Variants in ZBTB7C observed in about 807,000 individuals in gnomAD.
The protein encoded by ZBTB7C is zinc finger and BTB domain-containing protein 7C.
ZBTB7C carries 8 observed loss-of-function variants against 25.7 expected under a neutral mutation model. The ratio of observed to expected loss-of-function variants is 0.31; its 90% CI spans 0.18 to 0.56. The LOEUF is 0.56. Ranked by LOEUF, ZBTB7C falls within the 20% of genes least tolerant of loss-of-function variation. The pLI is 0.91. For missense variants in ZBTB7C, 824 were observed against 855.2 expected (o/e 0.96, Z 0.46); for synonymous variants, 394 against 369.0 (o/e 1.07, Z -0.78).
chr18:48,396,830 G>A (rs1299522713), intron 1 of ZBTB7C, among the ~76,000 whole-genome samples: 1 of 152,222 alleles, frequency 6.6e-6, no homozygotes, highest in Non-Finnish European at 1.5e-5. Context: ...AATGGTGGTT[G>A]TCAGCAAGTC....
chr18:48,031,469 C>T (rs1443793622), intron 4 of ZBTB7C, among the ~76,000 whole-genome samples: 1 of 152,200 alleles, frequency 6.6e-6, no homozygotes, highest in Non-Finnish European at 1.5e-5. Flanking sequence ...TATCCCACCC[C>T]CTACCAGCAT....
chr18:48,310,997 A>G (rs1414144148), intron 2 of ZBTB7C, among the ~76,000 whole-genome samples: 1 of 152,224 alleles, frequency 6.6e-6, no homozygotes, highest in African/African-American at 2.4e-5. Context: ...CATCATGTGC[A>G]GTCTTTGCTC....
intron 2 of ZBTB7C, among the ~76,000 whole-genome samples, chr18:48,316,186 G>T (rs969382799): frequency 6.6e-6 from 1 of 152,172 alleles, no homozygotes; most frequent in Non-Finnish European, 1.5e-5. Flanking sequence ...ATTTTCAAAA[G>T]AATGTTACTA....
intron 4 of ZBTB7C, among the ~76,000 whole-genome samples, chr18:48,034,869 A>G (rs1428157617): frequency 6.6e-6 from 1 of 152,206 alleles, no homozygotes; most frequent in Non-Finnish European, 1.5e-5. Context: ...TCATGAGCTC[A>G]TTCCCAGAAT....
intron 3 of ZBTB7C, chr18:48,148,024 T>C (rs1430001122): frequency 6.6e-6 from 1 of 151,878 alleles, no homozygotes; most frequent in East Asian, 1.9e-4. Flanking sequence ...GGGGACGGAG[T>C]TTTGTTCTGT....
chr18:48,352,341 C>G (rs1049033772), intron 1 of ZBTB7C, among the ~76,000 whole-genome samples: 10 of 152,370 alleles, frequency 6.6e-5, no homozygotes, highest in African/African-American at 2.2e-4. Flanking sequence ...CAAGTGCTCA[C>G]AGCCCTGCTG....
rs546253004 is a variant in ZBTB7C, at chr18:48,216,640, C to T, written c.-78-30645G>A. Among the ~76,000 whole-genome samples, 2 of 152,218 alleles carry T rather than the reference C, an allele frequency of 1.3e-5. 1 individual carries two copies. The highest frequency in any genetic ancestry group is 4.2e-4 in the South Asian group (2 of 4,818). On this transcript the variant is annotated intron_variant, in intron 2 of 4. Transcript: ENST00000590800. Reference sequence around the variant, plus strand: ...GTAGAAATCCTTTCCTGCTTCCTCCCCCTGACAACTTCTCATCAGAAGCCA... The same window carrying T: ...GTAGAAATCCTTTCCTGCTTCCTCCTCCTGACAACTTCTCATCAGAAGCCA...
At chr18:48,200,748 C>G (rs1319185599) in intron 2 of ZBTB7C, among the ~76,000 whole-genome samples, 1 of 152,232 alleles carries the variant, frequency 6.6e-6, no homozygotes, top group Non-Finnish European at 1.5e-5. Context: ...CTCGTCCCAG[C>G]TCAGACTCCA....
intron 3 of ZBTB7C, among the ~76,000 whole-genome samples, chr18:48,131,531 T>C (rs867134657): frequency 6.6e-6 from 1 of 152,192 alleles, no homozygotes; most frequent in East Asian, 1.9e-4. Context: ...CCCATGCCAG[T>C]TGGCTCAAAT....
chr18:48,387,504 A>G (rs546551546), intron 1 of ZBTB7C, among the ~76,000 whole-genome samples: 1 of 152,356 alleles, frequency 6.6e-6, no homozygotes, highest in East Asian at 1.9e-4. Context: ...ATCATCACTT[A>G]CAGCTAGCTG....
chr18:48,318,161 C>G (rs539853929), intron 2 of ZBTB7C, among the ~76,000 whole-genome samples: 3 of 152,230 alleles, frequency 2.0e-5, no homozygotes, highest in East Asian at 3.9e-4. Context: ...CTGCTCTCTG[C>G]CACCCCCTAT....
chr18:48,053,265 T>C (rs2036770232), intron 3 of ZBTB7C, among the ~76,000 whole-genome samples: 1 of 152,162 alleles, frequency 6.6e-6, no homozygotes, highest in Admixed American at 6.5e-5. Context: ...CTGCAGAATG[T>C]GCACAGATTC....
chr18:48,349,963 C>T (rs2046826662), intron 1 of ZBTB7C, among the ~76,000 whole-genome samples: 1 of 152,206 alleles, frequency 6.6e-6, no homozygotes, highest in Non-Finnish European at 1.5e-5. Context: ...GGGCTATGTC[C>T]CACAGCATTG....
chr18:48,214,756 G>A (rs537516434), intron 2 of ZBTB7C, among the ~76,000 whole-genome samples: 40 of 152,318 alleles, frequency 2.6e-4, no homozygotes, highest in Non-Finnish European at 4.7e-4. Flanking sequence ...ACATGTGGTA[G>A]CATGTGTCAA....
chr18:48,233,327 C>G (rs1172428185), intron 2 of ZBTB7C, among the ~76,000 whole-genome samples: 1 of 152,192 alleles, frequency 6.6e-6, no homozygotes, highest in Middle Eastern at 3.2e-3. Flanking sequence ...GACTTGCCAG[C>G]CTTCAGAACT....
intron 3 of ZBTB7C, among the ~76,000 whole-genome samples, chr18:48,064,022 T>C (rs1191828428): frequency 6.6e-6 from 1 of 152,180 alleles, no homozygotes; most frequent in Non-Finnish European, 1.5e-5. Context: ...CACAAAGTTG[T>C]ATAATTATAT....
chr18:48,255,119 T>C (rs1247903459), intron 2 of ZBTB7C, among the ~76,000 whole-genome samples: 1 of 152,100 alleles, frequency 6.6e-6, no homozygotes, highest in Non-Finnish European at 1.5e-5. Flanking sequence ...TTTAAAGGAA[T>C]ACAAAAATGT....
At chr18:48,252,343 A>G (rs1335200631) in intron 2 of ZBTB7C, 3 of 152,204 alleles carry the variant, frequency 2.0e-5, no homozygotes, top group African/African-American at 7.2e-5. Context: ...GAGTTGGGAC[A>G]ACTTGTACAG....
In ZBTB7C at chr18:48,040,164, G is replaced by A. The variant is rs2036157187; in HGVS notation, c.944C>T (p.Pro315Leu). Reference protein sequence around the residue: ...FPNDFFKDMFPDLPGGPLGPI... With the variant: ...FPNDFFKDMFLDLPGGPLGPI... ...TCCCAGAGGCCCCCCCGGCAGGTCA[G>A]GGAACATGTCCTTGAAGAAGTCATT... is the stretch of plus-strand genomic sequence containing the variant. Residue 315 changes from proline (P) to leucine (L), a missense_variant, in exon 4 of 5, where the codon CCT (proline) becomes CTT (leucine). Pro to Leu is a moderately conservative substitution (Grantham distance 98, BLOSUM62 -3). Coordinates refer to ENST00000590800, the MANE Select transcript of ZBTB7C (RefSeq NM_001318841.2). 1.4e-5 allele frequency: 22 copies of A among 1,578,656 alleles called. No homozygotes were observed. Among genetic ancestry groups the A allele is most frequent in the Non-Finnish European group, 1.9e-5 (22 of 1,163,108 alleles).
Sources: gnomAD v4.1 joint callset for allele counts (sites outside exome capture counted in the v4.1 genomes callset) on GRCh38, gnomAD v4.1.1 for gene constraint, MANE v1.5 for transcripts, NCBI Gene and HGNC (gene_info 2026-07-23, HGNC 2026-07-21) for gene names.